Variants in SYT1 observed in about 807,000 individuals in gnomAD.
The protein encoded by SYT1 is synaptotagmin-1.
Under a neutral mutation model 44.8 loss-of-function variants are expected in SYT1, and 8 were observed. That is an observed-to-expected ratio of 0.18 (90% confidence interval 0.10 to 0.32). The LOEUF is 0.32. Among genes scored for constraint, SYT1 ranks in the 10% least tolerant of loss-of-function variants. The pLI is 1.00. For missense variants in SYT1, 286 were observed against 509.3 expected (o/e 0.56, Z 4.22); for synonymous variants, 154 against 188.8 (o/e 0.82, Z 1.51).
At chr12:79,245,834 G>C (rs1029433459) in intron 4 of SYT1, among the ~76,000 whole-genome samples, 3 of 151,642 alleles carry the variant, frequency 2.0e-5, no homozygotes, top group Non-Finnish European at 4.4e-5. Flanking sequence ...AGTAGTTTAA[G>C]AGGATTTCAT....
chr12:79,034,439 C>A (rs1873000394), intron 2 of SYT1, among the ~76,000 whole-genome samples: 1 of 151,516 alleles, frequency 6.6e-6, no homozygotes, highest in Non-Finnish European at 1.5e-5. Flanking sequence ...AAGTCCATTC[C>A]AAAATTACAG....
chr12:78,891,614 A>T (rs1203366938), intron 1 of SYT1, among the ~76,000 whole-genome samples: 3 of 151,950 alleles, frequency 2.0e-5, no homozygotes, highest in African/African-American at 7.2e-5. Context: ...ATTTATTTAC[A>T]TATGGAAGAA....
chr12:79,298,113 C>A (rs1029651869), intron 7 of SYT1, among the ~76,000 whole-genome samples: 1 of 152,066 alleles, frequency 6.6e-6, no homozygotes, highest in Admixed American at 6.6e-5. Context: ...GTCTGTCTGA[C>A]CCCAAGTCCA....
intron 1 of SYT1, among the ~76,000 whole-genome samples, chr12:78,920,240 A>G (rs1876903284): frequency 6.6e-6 from 1 of 152,046 alleles, no homozygotes; most frequent in Non-Finnish European, 1.5e-5. Context: ...TTCTTACCAG[A>G]GAAATAATAA....
chr12:79,210,228 T>C (rs1317060797), intron 3 of SYT1, among the ~76,000 whole-genome samples: 1 of 152,136 alleles, frequency 6.6e-6, no homozygotes, highest in East Asian at 1.9e-4. Context: ...ACCACAAAAC[T>C]ATAAACTTTT....
At chr12:79,043,939 A>T (rs1403737275) in intron 2 of SYT1, among the ~76,000 whole-genome samples, 1 of 152,208 alleles carries the variant, frequency 6.6e-6, no homozygotes, top group African/African-American at 2.4e-5. Flanking sequence ...TTCTTTAAGA[A>T]TGTTGAATAT....
chr12:78,892,817 A>AT (rs772649970), intron 1 of SYT1, among the ~76,000 whole-genome samples: 16 of 151,742 alleles, frequency 1.1e-4, no homozygotes, highest in African/African-American at 1.4e-4. Flanking sequence ...GAGGAGAATT[A>AT]TTTTTTTCAG....
intron 1 of SYT1, among the ~76,000 whole-genome samples, chr12:78,885,369 A>AAGGG (rs1164206970): frequency 2.1e-4 from 31 of 144,666 alleles, no homozygotes; most frequent in South Asian, 7.5e-4. Flanking sequence ...GGAAGGAAGG[A>AAGGG]AGGGAGGGAG....
intron 9 of SYT1, among the ~76,000 whole-genome samples, chr12:79,390,455 A>AT (rs534943231): frequency 3.2e-4 from 49 of 152,160 alleles, no homozygotes; most frequent in Non-Finnish European, 5.9e-4. Flanking sequence ...CAATTCTACA[A>AT]TTTTTTTAAA....
intron 3 of SYT1, among the ~76,000 whole-genome samples, chr12:79,178,882 G>A (rs993553332): frequency 6.8e-6 from 1 of 146,864 alleles, no homozygotes; most frequent in Non-Finnish European, 1.5e-5. Context: ...CTGAGTAGCT[G>A]GGATTTCATG....
intron 3 of SYT1, among the ~76,000 whole-genome samples, chr12:79,122,534 A>AAAAAAAAAC (rs1868292789): frequency 6.9e-6 from 1 of 144,826 alleles, no homozygotes; most frequent in Non-Finnish European, 1.5e-5. Flanking sequence ...AAAAAAAAAA[A>AAAAAAAAAC]GAGATTCATA....
At chr12:79,177,148 A>T (rs1288894439) in intron 3 of SYT1, among the ~76,000 whole-genome samples, 3 of 113,480 alleles carry the variant, frequency 2.6e-5, no homozygotes, top group Non-Finnish European at 3.5e-5. Flanking sequence ...TGCACCCACT[A>T]ACGTGTCATC....
intron 9 of SYT1, among the ~76,000 whole-genome samples, chr12:79,367,111 T>C (rs891476181): frequency 6.6e-6 from 1 of 152,184 alleles, no homozygotes; most frequent in African/African-American, 2.4e-5. Flanking sequence ...ATTTCTACGA[T>C]CTTCAGTTTG....
intron 3 of SYT1, among the ~76,000 whole-genome samples, chr12:79,114,787 A>G (rs1879191324): frequency 6.6e-6 from 1 of 152,158 alleles, no homozygotes; most frequent in East Asian, 1.9e-4. Flanking sequence ...GACCCCCCAG[A>G]TTTTGAAATC....
intron 5 of SYT1, among the ~76,000 whole-genome samples, chr12:79,288,692 G>A (rs1181365569): frequency 1.3e-5 from 2 of 152,126 alleles, no homozygotes; most frequent in Non-Finnish European, 2.9e-5. Flanking sequence ...ACCAGACAGA[G>A]GGAAAATATT....
chr12:79,217,965 C>T (rs969653977), intron 4 of SYT1, among the ~76,000 whole-genome samples: 3 of 150,044 alleles, frequency 2.0e-5, no homozygotes, highest in Admixed American at 6.6e-5. Flanking sequence ...GTCTGTTTCT[C>T]TCAAGAATAT....
intron 2 of SYT1, among the ~76,000 whole-genome samples, chr12:79,032,780 G>A (rs1370969888): frequency 1.3e-5 from 2 of 151,222 alleles, no homozygotes; most frequent in Admixed American, 6.6e-5. Flanking sequence ...AAGAAAGACA[G>A]TTTCTTTTCA....
At chr12:78,917,077 C>A (rs779279586) in intron 1 of SYT1, among the ~76,000 whole-genome samples, 20 of 152,038 alleles carry the variant, frequency 1.3e-4, no homozygotes, top group Admixed American at 2.0e-4. Flanking sequence ...CAGGCATGCA[C>A]CACCATGCAG....
At chr12:79,240,612 C>T (rs1475436293) in intron 4 of SYT1, among the ~76,000 whole-genome samples, 1 of 152,106 alleles carries the variant, frequency 6.6e-6, no homozygotes, top group African/African-American at 2.4e-5. Context: ...TCTATGAAAA[C>T]AACATAGATT....
Sources: allele counts gnomAD v4.1 joint callset (sites outside exome capture counted in the v4.1 genomes callset), GRCh38; gene constraint gnomAD v4.1.1; transcripts MANE v1.5; gene names NCBI Gene and HGNC (gene_info 2026-07-23, HGNC 2026-07-21).